ST6GALNAC1: variants seen among roughly 807,000 people sequenced by gnomAD.
The protein encoded by ST6GALNAC1 is ST6 N-acetylgalactosaminide alpha-2,6-sialyltransferase 1, also known as alpha-N-acetylgalactosaminide alpha-2,6-sialyltransferase 1.
A neutral mutation model predicts 56.8 loss-of-function variants in ST6GALNAC1; 45 were observed. The observed-to-expected ratio is 0.79, with a 90% CI of 0.62 to 1.02. The LOEUF (loss-of-function observed/expected upper bound fraction) is 1.02, where lower values mean the gene tolerates loss of function less well. ST6GALNAC1 is among the 50% of genes least tolerant of loss of function. The probability of loss-of-function intolerance (pLI) is 0.00; values close to 1 mark genes in which losing one functional copy is unlikely to be tolerated. For missense variants in ST6GALNAC1, 743 were observed against 754.8 expected (o/e 0.98, Z 0.18); for synonymous variants, 295 against 297.8 (o/e 0.99, Z 0.10).
intron 1 of ST6GALNAC1, among the ~76,000 whole-genome samples, chr17:76,641,282 G>A (rs1016065265): frequency 3.3e-5 from 5 of 152,122 alleles, no homozygotes; most frequent in Non-Finnish European, 5.9e-5. Flanking sequence ...TAATGTGACT[G>A]GGCCAGTGCA....
At chr17:76,643,444 G>C (rs1243091044) in intron 1 of ST6GALNAC1, 64 bp downstream of exon 1, 1 of 1,579,942 alleles carries the variant, frequency 6.3e-7, no homozygotes. Flanking sequence ...TCCTCCCTGG[G>C]CTATCATTTT....
At chr17:76,638,489 G>T (rs2076006076) in intron 1 of ST6GALNAC1, among the ~76,000 whole-genome samples, 1 of 151,800 alleles carries the variant, frequency 6.6e-6, no homozygotes, top group Non-Finnish European at 1.5e-5. Context: ...CGATTCTCCT[G>T]TGATAAAAGC....
At chr17:76,621,182 C>CTTTTTTTTTTTTTTTTTT (rs367846650), downstream of ST6GALNAC1, among the ~76,000 whole-genome samples, 2 of 105,326 alleles carry the variant, frequency 1.9e-5, no homozygotes, top group Non-Finnish European at 3.6e-5. Context: ...TTCTTTCTTT[C>CTTTTTTTTTTTTTTTTTT]TTTCTTTTTT....
rs1056255219 is a variant in ST6GALNAC1 at position 76,625,422 on chromosome 17, G to A, written c.1711C>T (p.Leu571=). The A allele has an allele frequency of 5.6e-6, 9 of 1,614,020 alleles. No individual in the cohort carries two copies. The African/African-American group carries it at 1.2e-4, about 22-fold the overall frequency. ...AGCCGCTTCCAGACTTCTCTCTCCAGCTTGAAGTCATGGTTTATGTAAAAG... is the reference window on the plus strand; with the variant it reads ...AGCCGCTTCCAGACTTCTCTCTCCAACTTGAAGTCATGGTTTATGTAAAAG... ...LIFYINHDFK[L]EREVWKRLHD... The change falls in exon 9 of 9, where the codon CTG becomes TTG. Residue 571 remains leucine, a synonymous_variant. Coordinates refer to ENST00000156626, the MANE Select transcript of ST6GALNAC1 (RefSeq NM_018414.5).
chr17:76,627,191 G>A lies in ST6GALNAC1; in HGVS notation c.1048C>T (p.Leu350=). 1 of 1,599,248 alleles carries A rather than the reference G, an allele frequency of 6.3e-7. No individual in the cohort carries two copies. The highest frequency in any genetic ancestry group is 8.5e-7 in the Non-Finnish European group (1 of 1,172,408). Residue 350 remains leucine, a synonymous_variant, in exon 4 of 9, where the codon CTG becomes TTG. Coordinates refer to ENST00000156626, the MANE Select transcript of ST6GALNAC1 (RefSeq NM_018414.5). This position sits in a 1 kb window ranked among gnomAD's most constrained non-coding sequence, Gnocchi z 4.4. ...CCAGCGGGGAGGCTGGCCAGGAGCA[G>A]CTGCTGCTGGGGCACTGGAGGGAAG... ...TRFPPVPQQQ[L]LLASLPAGSL... is the part of the protein sequence containing the mutation.
At position 76,629,215 on chromosome 17, in the gene ST6GALNAC1, C is replaced by A. The variant is rs777239689; in HGVS notation, c.628G>T (p.Val210Leu). The change falls in exon 2 of 9, where the codon GTG becomes TTG. Residue 210 changes from valine (V) to leucine (L), a missense_variant. Physicochemically the swap from Val to Leu is conservative, Grantham distance 32. Transcript: ENST00000156626. ...QHRMLAPTGA[V>L]STRTRQKGVT... Reference sequence around the variant, plus strand: ...CCTTTCTGTCTCGTCCTTGTTGACACTGCTCCTGTGGGAGCCAGCATTCTG... The same window carrying A: ...CCTTTCTGTCTCGTCCTTGTTGACAATGCTCCTGTGGGAGCCAGCATTCTG... 1 of 1,614,198 alleles carries A rather than the reference C, an allele frequency of 6.2e-7. No individual in the cohort carries two copies. Among genetic ancestry groups the A allele is most frequent in the Admixed American group, 1.7e-5 (1 of 60,022 alleles).
chr17:76,630,649 G>A (rs1350900112), intron 1 of ST6GALNAC1, among the ~76,000 whole-genome samples: 3 of 147,732 alleles, frequency 2.0e-5, no homozygotes, highest in Non-Finnish European at 3.0e-5. Flanking sequence ...GCAGTGGCGC[G>A]ATCTTGGCTC....
In ST6GALNAC1 at chr17:76,643,678, T is replaced by C. The variant is rs2076079743; in HGVS notation, c.-40A>G. 2 of 1,606,544 alleles carry C rather than the reference T, an allele frequency of 1.2e-6. No individual in the cohort carries two copies. The highest frequency in any genetic ancestry group is 2.7e-5 in the African/African-American group (2 of 74,740). On this transcript the variant is annotated 5_prime_UTR_variant, in exon 1 of 9. Transcript: ENST00000156626. Reference sequence around the variant, plus strand: ...TTCTAGAGGAAGGTTCTGCATGTCCTGGGGCCTTGATGTAGGCAGCTGGGA... The same window carrying C: ...TTCTAGAGGAAGGTTCTGCATGTCCCGGGGCCTTGATGTAGGCAGCTGGGA...
chr17:76,623,031 G>A (rs111910699), downstream of ST6GALNAC1, among the ~76,000 whole-genome samples: 6,059 of 152,226 alleles, frequency 0.04, 184 homozygotes, highest in East Asian at 0.16. Flanking sequence ...CCGACCTTGT[G>A]ATCCGCCTGC....
At chr17:76,619,740 G>GTTTTTTTTTTTTTTTTTTT in the ST6GALNAC1 span, among the ~76,000 whole-genome samples, 11 of 101,582 alleles carry the variant, frequency 1.1e-4, 1 homozygote, top group African/African-American at 4.3e-4. Flanking sequence ...AATAATGTTA[G>GTTTTTTTTTTTTTTTTTTT]TTTTTTTTTT....
At position 76,625,482 on chromosome 17, in the gene ST6GALNAC1, C is replaced by G. The variant is rs2075783216; in HGVS notation, c.1651G>C (p.Asp551His). 3 of 1,613,960 alleles carry G rather than the reference C, an allele frequency of 1.9e-6. No homozygotes were observed. Among genetic ancestry groups the G allele is most frequent in the South Asian group, 2.2e-5 (2 of 91,076 alleles). Residue 551 changes from aspartate to histidine, a missense_variant, in exon 9 of 9, where the codon GAT (aspartate) becomes CAT (histidine). Asp to His is a moderately conservative substitution (Grantham distance 81). Coordinates refer to ENST00000156626, the MANE Select transcript of ST6GALNAC1 (RefSeq NM_018414.5). ...TTCCATGATGTATCATAGTAGTGAT[C>G]AGAAAAGCGCTCATGGCCCTCAGTG... ...FITEGHERFSDHYYDTSWKRL... is the reference protein window; with the variant it reads ...FITEGHERFSHHYYDTSWKRL...
Position 76,627,046 on chromosome 17 carries a change from G to A in ST6GALNAC1, c.1172+21C>T, listed in dbSNP as rs767799992. 23 of 1,534,160 alleles carry A rather than the reference G, an allele frequency of 1.5e-5. No individual in the cohort carries two copies. The highest frequency in any genetic ancestry group is 1.8e-5 in the Non-Finnish European group (21 of 1,140,202). On this transcript the variant is annotated intron_variant, in intron 4 of 8. Coordinates refer to ENST00000156626, the MANE Select transcript of ST6GALNAC1 (RefSeq NM_018414.5). The surrounding 1 kb of genome is among the most constrained non-coding windows in gnomAD (Gnocchi z 4.4). ...GGGCAGGAGAGGGGCTGGAGAGGGAGCTTGGGTGGGGACAGCTTACCGGAA... is the reference window on the plus strand; with the variant it reads ...GGGCAGGAGAGGGGCTGGAGAGGGAACTTGGGTGGGGACAGCTTACCGGAA...
chr17:76,631,881 C>T (rs190155928), intron 1 of ST6GALNAC1, among the ~76,000 whole-genome samples: 3 of 152,236 alleles, frequency 2.0e-5, no homozygotes, highest in Non-Finnish European at 4.4e-5. Context: ...TGGGAAGACA[C>T]CCCCAAAATA....
chr17:76,619,907 C>A (rs1270878481), downstream of ST6GALNAC1, among the ~76,000 whole-genome samples: 5 of 152,006 alleles, frequency 3.3e-5, no homozygotes, highest in African/African-American at 4.8e-5. Context: ...CCACACCCGG[C>A]TAATTTTTGT....
At chr17:76,628,760 C>T (rs2075848016) in intron 2 of ST6GALNAC1, among the ~76,000 whole-genome samples, 1 of 152,180 alleles carries the variant, frequency 6.6e-6, no homozygotes, top group Admixed American at 6.5e-5. Flanking sequence ...CCATCTCACT[C>T]ACCCCTCTTA....
downstream of ST6GALNAC1, among the ~76,000 whole-genome samples, chr17:76,621,268 C>T (rs147487633): frequency 4.6e-3 from 674 of 147,352 alleles, 9 homozygotes; most frequent in African/African-American, 0.016. Context: ...CTGCAACCTC[C>T]GCCTTTTGGG....
rs1178623759 is a variant in ST6GALNAC1 at position 76,643,643 on chromosome 17, G to A, written c.-5C>T. The A allele has an allele frequency of 6.2e-7, 1 of 1,613,734 alleles. No individual in the cohort carries two copies. The highest frequency in any genetic ancestry group is 8.5e-7 in the Non-Finnish European group (1 of 1,179,806). On this transcript the variant is annotated 5_prime_UTR_variant, in exon 1 of 9. Coordinates refer to ENST00000156626, the MANE Select transcript of ST6GALNAC1 (RefSeq NM_018414.5). ...TCTCCACAGGCAGGACCTCATGGTG[G>A]TGGGTCGGGTTCTAGAGGAAGGTTC...
At chr17:76,639,870 ACTC>A (rs1598309645) in intron 1 of ST6GALNAC1, among the ~76,000 whole-genome samples, 1 of 147,002 alleles carries the variant, frequency 6.8e-6, no homozygotes. Context: ...CACTGAGAAA[ACTC>A]CTCTTTTTTC....
chr17:76,640,171 C>T (rs8069024), intron 1 of ST6GALNAC1, among the ~76,000 whole-genome samples: 29,367 of 152,056 alleles, frequency 0.19, 3,618 homozygotes, highest in African/African-American at 0.35. Context: ...CCCATTATTG[C>T]TCCGGCAGGT....
Sources: allele counts gnomAD v4.1 joint callset (sites outside exome capture counted in the v4.1 genomes callset), GRCh38; gene constraint gnomAD v4.1.1; non-coding constraint Gnocchi (gnomAD v3.1); transcripts MANE v1.5; gene names NCBI Gene and HGNC (gene_info 2026-07-23, HGNC 2026-07-21).